The following TOP1MT variants were observed in gnomAD, a reference collection of about 807,000 sequenced individuals.
TOP1MT encodes DNA topoisomerase I, mitochondrial.
Under a neutral mutation model 73.9 loss-of-function variants are expected in TOP1MT, and 80 were observed. The ratio of observed to expected loss-of-function variants is 1.08; its 90% CI spans 0.90 to 1.30. The LOEUF (loss-of-function observed/expected upper bound fraction) is 1.30, where lower values mean the gene tolerates loss of function less well. Among genes scored for constraint, TOP1MT ranks in the 50% most tolerant of loss-of-function variants. TOP1MT has a pLI of 0.00. For synonymous variants in TOP1MT, 338 were observed against 326.4 expected, an observed-to-expected ratio of 1.04 and a Z score of -0.38; for missense variants, 815 against 808.0, an observed-to-expected ratio of 1.01 and a Z score of -0.10.
intron 3 of TOP1MT, chr8:143,328,345 G>A (rs940475572): frequency 4.5e-5 from 20 of 440,098 alleles, no homozygotes; most frequent in Non-Finnish European, 8.1e-5. Flanking sequence ...TTAAAACTCC[G>A]ATAAATGAGC....
intron 7 of TOP1MT, among the ~76,000 whole-genome samples, chr8:143,322,653 A>ACCACACACGCACG (rs1816502687): frequency 3.1e-5 from 2 of 65,464 alleles, no homozygotes; most frequent in Non-Finnish European, 2.7e-5. Context: ...CCACACGCAC[A>ACCACACACGCACG]CCACACACGC....
chr8:143,310,141 T>C lies in TOP1MT; in HGVS notation c.1630A>G (p.Lys544Glu), dbSNP rs1029544353. The C allele has an allele frequency of 6.2e-7, 1 of 1,613,338 alleles. No individual in the cohort carries two copies. Among genetic ancestry groups the C allele is most frequent in the South Asian group, 1.1e-5 (1 of 91,006 alleles). ...AGGGCCACCTGCTTGTTCTCCTCCT[T>C]GTCCGTGGCCTGCACACTCAGCTGC... Reference protein sequence around the residue: ...LAQLSVQATDKEENKQVALGT... With the variant: ...LAQLSVQATDEEENKQVALGT... The change falls in exon 13 of 14, where the codon AAG (lysine) becomes GAG (glutamate). Residue 544 changes from lysine (K) to glutamate (E), a missense_variant. Around this residue, in one of 3 missense-constraint regions of TOP1MT, gnomAD observed 751 missense variants for 725.4 expected, o/e 1.04. Coordinates refer to ENST00000329245, the MANE Select transcript of TOP1MT (RefSeq NM_052963.3).
intron 7 of TOP1MT, among the ~76,000 whole-genome samples, chr8:143,323,158 CAG>C (rs1488180219): frequency 7.5e-6 from 1 of 133,508 alleles, no homozygotes; most frequent in African/African-American, 2.9e-5. Flanking sequence ...GCACGCCACA[CAG>C]GCACGCCACA....
At chr8:143,328,401 C>T (rs763570888) in intron 3 of TOP1MT, 19 of 407,496 alleles carry the variant, frequency 4.7e-5, no homozygotes, top group Non-Finnish European at 8.3e-5. Flanking sequence ...CAAAAGTTCA[C>T]GAAAGAAAAT....
chr8:143,314,468 C>T (rs185476305), intron 12 of TOP1MT, among the ~76,000 whole-genome samples: 2 of 152,032 alleles, frequency 1.3e-5, no homozygotes, highest in African/African-American at 4.8e-5. Context: ...GTGGCGCGCA[C>T]CTGTAACCCC....
In TOP1MT at chr8:143,344,073, G is replaced by A. The variant is rs926089079; in HGVS notation, c.-38-787C>T. On this transcript the variant is annotated intron_variant, in intron 1 of 5. Transcript: ENST00000518007. This position sits in a 1 kb window ranked among gnomAD's most constrained non-coding sequence, Gnocchi z 4.6. Reference sequence around the variant, plus strand: ...GAGGCCTGGGCCAGCCGAGAAAGGTGAGAGGAGGCCCTGTTGTAACACAGC... The same window carrying A: ...GAGGCCTGGGCCAGCCGAGAAAGGTAAGAGGAGGCCCTGTTGTAACACAGC... 2.6e-5 allele frequency: 4 copies of A among 152,316 alleles called. No individual in the cohort carries two copies. The highest frequency in any genetic ancestry group is 7.2e-5 in the African/African-American group (3 of 41,472). The allele number at this position is 152,316 out of a possible 1,614,324, so 9.4% of individuals were successfully genotyped here. A position where few individuals can be genotyped will look rare whatever the true frequency, so the allele number is the denominator to read the frequency against.
At chr8:143,359,387 G>A, upstream of TOP1MT, 8 of 985,412 alleles carry the variant, frequency 8.1e-6, no homozygotes, top group Non-Finnish European at 9.6e-6. Context: ...GGGGCAAAGC[G>A]CATCCAAAGC....
chr8:143,325,871 G>A (rs1177620746), intron 4 of TOP1MT, among the ~76,000 whole-genome samples: 1 of 152,212 alleles, frequency 6.6e-6, no homozygotes, highest in African/African-American at 2.4e-5. Context: ...AGGCCACATG[G>A]AGATCACAGC....
At chr8:143,342,511 A>T (rs1167423812) in intron 2 of TOP1MT, among the ~76,000 whole-genome samples, 2 of 137,254 alleles carry the variant, frequency 1.5e-5, no homozygotes, top group Non-Finnish European at 3.1e-5. Context: ...TGTTATTATT[A>T]TTATTATTAG....
chr8:143,319,056 C>T (rs1816255911), intron 8 of TOP1MT, among the ~76,000 whole-genome samples: 1 of 152,186 alleles, frequency 6.6e-6, no homozygotes, highest in Non-Finnish European at 1.5e-5. Flanking sequence ...CGATGCTTCA[C>T]CACGGCAGGG....
rs1479095813 is a variant in TOP1MT at position 143,321,825 on chromosome 8, G to A, written c.961-439C>T. 1.0e-4 allele frequency among the ~76,000 whole-genome samples: 5 copies of A among 48,288 alleles called. 1 individual carries two copies. The East Asian group carries it at 2.3e-3, about 22-fold the overall frequency. The allele number at this position is 48,288 out of a possible 152,430, so 31.7% of individuals were successfully genotyped here. On this transcript the variant is annotated intron_variant, in intron 7 of 13. Coordinates refer to ENST00000329245, the MANE Select transcript of TOP1MT (RefSeq NM_052963.3). ...ACACGCACGCTACACACACACGCAC[G>A]CTACACACACACGCCACACGCACGC...
At chr8:143,322,347 C>T (rs1262915419) in intron 7 of TOP1MT, among the ~76,000 whole-genome samples, 6 of 96,460 alleles carry the variant, frequency 6.2e-5, no homozygotes, top group African/African-American at 1.6e-4. Flanking sequence ...CACAGGCACG[C>T]CACACACGCA....
intron 3 of TOP1MT, chr8:143,327,706 C>T: frequency 5.0e-6 from 2 of 403,128 alleles, no homozygotes; most frequent in South Asian, 1.8e-5. Flanking sequence ...AATGAGGATG[C>T]CGGGCAGCTG....
intron 1 of TOP1MT, chr8:143,343,517 G>A: frequency 3.1e-6 from 1 of 327,494 alleles, no homozygotes; most frequent in Non-Finnish European, 6.0e-6. Context: ...CCCGCCCGAG[G>A]CCAGAAGCTG....
intron 1 of TOP1MT, chr8:143,332,614 A>G (rs1388858856): frequency 7.9e-7 from 1 of 1,265,314 alleles, no homozygotes; most frequent in Admixed American, 2.3e-5. Flanking sequence ...GAGAGGGGAA[A>G]GCATGTGCAA....
rs1410503803 is a variant in TOP1MT, at chr8:143,341,713, G to GC, written c.29+1506dup. Among the ~76,000 whole-genome samples, 1 of 152,168 alleles carries GC rather than the reference G, an allele frequency of 6.6e-6. No homozygotes were observed. The highest frequency in any genetic ancestry group is 2.4e-5 in the African/African-American group (1 of 41,442). On this transcript the variant is annotated intron_variant, in intron 2 of 5. Coordinates refer to the TOP1MT transcript ENST00000518007. The surrounding 1 kb of genome is among the most constrained non-coding windows in gnomAD (Gnocchi z 4.1). ...CCCAACTCCGGAGCAGGTGCAGGCC[G>GC]CAACAGGCCATACTGCCAGCGTCCA...
chr8:143,310,967 T>C (rs989686701), intron 12 of TOP1MT, among the ~76,000 whole-genome samples: 2 of 151,236 alleles, frequency 1.3e-5, no homozygotes, highest in Non-Finnish European at 3.0e-5. Flanking sequence ...GGCTTTTTTT[T>C]TTTTTTTTTG....
At chr8:143,343,548 C>T (rs1040050816) in intron 1 of TOP1MT, 1 of 282,802 alleles carries the variant, frequency 3.5e-6, no homozygotes, top group Non-Finnish European at 7.1e-6. Context: ...TCAGGCCCCT[C>T]CCGGCCTCGG....
intron 8 of TOP1MT, among the ~76,000 whole-genome samples, chr8:143,319,158 C>A (rs553959211): frequency 1.3e-5 from 2 of 152,160 alleles, no homozygotes; most frequent in African/African-American, 2.4e-5. Flanking sequence ...AATGACTTCC[C>A]GACCAGACTG....
Sources: gnomAD v4.1 joint callset for allele counts (sites outside exome capture counted in the v4.1 genomes callset) on GRCh38, gnomAD v4.1.1 for gene constraint, gnomAD v4.1.1 regional missense constraint, Gnocchi (gnomAD v3.1) non-coding constraint, MANE v1.5 for transcripts, NCBI Gene and HGNC (gene_info 2026-07-23, HGNC 2026-07-21) for gene names.